The following DCLK1 variants were observed in gnomAD, a reference collection of about 807,000 sequenced individuals.
DCLK1 encodes doublecortin like kinase 1, also known as serine/threonine-protein kinase DCLK1.
DCLK1 carries 16 observed loss-of-function variants against 86.2 expected under a neutral mutation model. The ratio of observed to expected loss-of-function variants is 0.19; its 90% confidence interval spans 0.13 to 0.28. The LOEUF (loss-of-function observed/expected upper bound fraction) is 0.28. Ranked by LOEUF, DCLK1 falls within the 10% of genes least tolerant of loss-of-function variation. DCLK1 has a pLI of 1.00. For missense variants in DCLK1, 590 were observed against 940.2 expected (o/e 0.63, Z 4.87); for synonymous variants, 369 against 370.5 (o/e 1.00, Z 0.05).
chr13:36,128,987 C>A lies in DCLK1; in HGVS notation c.-20+2127G>T, dbSNP rs554626739. ...GAGTGGAAGACACTCCCAGTACTCACACCAACTCACTAAGTTCTTCAACAT... is the reference window on the plus strand; with the variant it reads ...GAGTGGAAGACACTCCCAGTACTCAAACCAACTCACTAAGTTCTTCAACAT... On this transcript the variant is annotated intron_variant, in intron 1 of 16. Transcript: ENST00000360631. 3.3e-5 allele frequency among the ~76,000 whole-genome samples: 5 copies of A among 152,308 alleles called. No individual in the cohort carries two copies. The South Asian group carries it at 1.0e-3, about 32-fold the overall frequency.
In DCLK1 at chr13:35,773,129, C is replaced by A. The variant is rs978111480; in HGVS notation, c.*1406G>T. 1 of 152,294 alleles carries A rather than the reference C, an allele frequency of 6.6e-6. No individual in the cohort carries two copies. Among genetic ancestry groups the A allele is most frequent in the Admixed American group, 6.6e-5 (1 of 15,258 alleles). 9.4% of individuals were successfully genotyped at this position (152,294 alleles called of 1,614,324 possible). A position where few individuals can be genotyped will look rare whatever the true frequency, so the allele number is the denominator to read the frequency against. ...TGGTGATGCACAGAACCTGTGAATC[C>A]CCATTCTAAAATGGAATCTGTTCCA... On this transcript the variant is annotated 3_prime_UTR_variant, in exon 17 of 17. Coordinates refer to ENST00000360631, the MANE Select transcript of DCLK1 (RefSeq NM_001330071.2).
At chr13:35,783,760 A>G (rs2086572090) in intron 16 of DCLK1, among the ~76,000 whole-genome samples, 1 of 151,748 alleles carries the variant, frequency 6.6e-6, no homozygotes, top group African/African-American at 2.4e-5. Context: ...AATTTTTTGT[A>G]TTTTTAGTAG....
intron 3 of DCLK1, among the ~76,000 whole-genome samples, chr13:36,091,719 A>T (rs1884834231): frequency 6.6e-6 from 1 of 152,238 alleles, no homozygotes; most frequent in African/African-American, 2.4e-5. Flanking sequence ...GATATGTGTC[A>T]TATGATAAAG....
intron 16 of DCLK1, among the ~76,000 whole-genome samples, chr13:35,782,164 T>G (rs1160142208): frequency 6.6e-6 from 1 of 152,192 alleles, no homozygotes; most frequent in Non-Finnish European, 1.5e-5. Flanking sequence ...CTTATGCTTC[T>G]GCACTACTAA....
At chr13:36,101,597 C>T (rs576580776) in intron 3 of DCLK1, among the ~76,000 whole-genome samples, 1 of 152,336 alleles carries the variant, frequency 6.6e-6, no homozygotes, top group Admixed American at 6.5e-5. Flanking sequence ...TGTGAATATA[C>T]ACAGCCTGAG....
At chr13:35,831,943 G>A (rs925382811) in intron 8 of DCLK1, among the ~76,000 whole-genome samples, 1 of 152,086 alleles carries the variant, frequency 6.6e-6, no homozygotes, top group Non-Finnish European at 1.5e-5. Flanking sequence ...CCCAACTCAG[G>A]CCAGTCTTCT....
chr13:36,123,630 T>C lies in DCLK1; in HGVS notation c.376+2132A>G, dbSNP rs187932190. Among the ~76,000 whole-genome samples, 56 of 152,350 alleles carry C rather than the reference T, an allele frequency of 3.7e-4. 1 individual carries two copies. The highest frequency in any genetic ancestry group is 1.3e-3 in the African/African-American group (55 of 41,582). On this transcript the variant is annotated intron_variant, in intron 2 of 16. Transcript: ENST00000360631. ...AATCCTAACTCTACCATTTCTTTCT[T>C]TGTGAGTTTGAGCAGATCATTTAAC...
chr13:36,035,243 CCTT>C (rs1882442943), intron 3 of DCLK1, among the ~76,000 whole-genome samples: 1 of 152,102 alleles, frequency 6.6e-6, no homozygotes, highest in South Asian at 2.1e-4. Flanking sequence ...CTCATTCACT[CCTT>C]TTCTTTCTAT....
chr13:36,032,993 C>T (rs1384291715), intron 3 of DCLK1, among the ~76,000 whole-genome samples: 2 of 152,146 alleles, frequency 1.3e-5, no homozygotes, highest in African/African-American at 2.4e-5. Context: ...AACAGGGGAA[C>T]GTGGATGGGT....
At chr13:35,808,019 G>A (rs2087064240) in intron 14 of DCLK1, among the ~76,000 whole-genome samples, 1 of 152,232 alleles carries the variant, frequency 6.6e-6, no homozygotes, top group Non-Finnish European at 1.5e-5. Context: ...GCAGCAGATG[G>A]AGACACTTGA....
At chr13:35,860,114 G>A (rs1285214111) in intron 5 of DCLK1, among the ~76,000 whole-genome samples, 1 of 152,130 alleles carries the variant, frequency 6.6e-6, no homozygotes, top group East Asian at 1.9e-4. Flanking sequence ...GTCAAGATTT[G>A]GGGAGAGAAT....
intron 3 of DCLK1, among the ~76,000 whole-genome samples, chr13:36,050,011 T>G (rs1216111559): frequency 6.6e-6 from 1 of 152,186 alleles, no homozygotes; most frequent in Non-Finnish European, 1.5e-5. Flanking sequence ...ATAGCTAATT[T>G]ACAGCTACCA....
chr13:35,783,594 C>CT (rs915343002), intron 16 of DCLK1, among the ~76,000 whole-genome samples: 1 of 151,844 alleles, frequency 6.6e-6, no homozygotes, highest in Non-Finnish European at 1.5e-5. Flanking sequence ...ATCTCCATGA[C>CT]TTTTTTTTGA....
intron 4 of DCLK1, among the ~76,000 whole-genome samples, chr13:35,894,997 A>T (rs1264780063): frequency 6.6e-6 from 1 of 152,136 alleles, no homozygotes; most frequent in Non-Finnish European, 1.5e-5. Flanking sequence ...CCCAGGCTGG[A>T]ATGCAGTTGT....
In DCLK1 at chr13:36,026,360, C is replaced by G. The variant is rs1288927981; in HGVS notation, c.724-78903G>C. ...ACTTTCTTCATAGATAATGCAAAAA[C>G]AAACTACAACCCAACCCACAGCCAA... On this transcript the variant is annotated intron_variant, in intron 3 of 16. Transcript: ENST00000360631. Among the ~76,000 whole-genome samples the G allele has an allele frequency of 2.0e-5, 3 of 152,110 alleles. No individual in the cohort carries two copies. The East Asian group carries it at 5.8e-4, about 29-fold the overall frequency.
intron 3 of DCLK1, among the ~76,000 whole-genome samples, chr13:36,100,181 A>G (rs1273498235): frequency 7.7e-5 from 1 of 13,006 alleles, no homozygotes; most frequent in African/African-American, 3.3e-4. Context: ...TGTCTCTACA[A>G]AAAAAAAAAA....
chr13:36,081,806 C>G (rs1884430564), intron 3 of DCLK1, among the ~76,000 whole-genome samples: 1 of 152,200 alleles, frequency 6.6e-6, no homozygotes, highest in Admixed American at 6.5e-5. Context: ...GGAGATAAAA[C>G]AGAGCGACCG....
intron 3 of DCLK1, among the ~76,000 whole-genome samples, chr13:35,966,630 G>C (rs1488719546): frequency 1.3e-5 from 2 of 151,814 alleles, no homozygotes; most frequent in South Asian, 4.2e-4. Context: ...TCAGCCTGCC[G>C]AGTGCCTGGG....
chr13:36,027,223 G>T (rs56786448), intron 3 of DCLK1, among the ~76,000 whole-genome samples: 1 of 152,066 alleles, frequency 6.6e-6, no homozygotes, highest in Non-Finnish European at 1.5e-5. Flanking sequence ...AAACTGTTCC[G>T]CCTCAGATCA....
Sources: allele counts gnomAD v4.1 joint callset (sites outside exome capture counted in the v4.1 genomes callset), GRCh38; gene constraint gnomAD v4.1.1; transcripts MANE v1.5; gene names NCBI Gene and HGNC (gene_info 2026-07-23, HGNC 2026-07-21).